TBC1D16: variants seen among roughly 807,000 people sequenced by gnomAD.
TBC1D16 encodes TBC1 domain family member 16.
In TBC1D16, 58 loss-of-function variants were observed where a neutral mutation model predicts 74.7. The observed-to-expected ratio is 0.78, with a 90% CI of 0.63 to 0.97. The LOEUF (loss-of-function observed/expected upper bound fraction) is 0.97. Among genes scored for constraint, TBC1D16 ranks in the 50% least tolerant of loss-of-function variants. The probability of loss-of-function intolerance (pLI) is 0.00; values close to 1 mark genes in which losing one functional copy is unlikely to be tolerated. For synonymous variants in TBC1D16, 493 were observed against 474.7 expected (o/e 1.04, Z -0.50); for missense variants, 1,014 against 1,079.5 (o/e 0.94, Z 0.85).
In TBC1D16 at chr17:79,979,759, A is replaced by G. The variant is rs752450688; in HGVS notation, c.780-26941T>C. Among the ~76,000 whole-genome samples the G allele has an allele frequency of 1.3e-5, 2 of 151,812 alleles. No homozygotes were observed. Among genetic ancestry groups the G allele is most frequent in the Non-Finnish European group, 2.9e-5 (2 of 67,966 alleles). On this transcript the variant is annotated intron_variant, in intron 3 of 11. Transcript: ENST00000310924. The surrounding 1 kb of genome is among the most constrained non-coding windows in gnomAD (Gnocchi z 4.8). ...GGAAAGGACCCTGGTCTCCCTTCAC[A>G]TCCACCAAAAGCTCACCCTGACTAG...
At position 79,970,039 on chromosome 17, in the gene TBC1D16, C is replaced by G. The variant is rs1354044033; in HGVS notation, c.780-17221G>C. ...CATCATATCCAAAAAGAGAAAAATG[C>G]CCATCAACTGATGACCAGATAAGGA... is the stretch of plus-strand genomic sequence containing the variant. On this transcript the variant is annotated intron_variant, in intron 3 of 11. Transcript: ENST00000310924. Among the ~76,000 whole-genome samples the G allele has an allele frequency of 3.3e-5, 5 of 152,246 alleles. No homozygotes were observed. In the East Asian group the frequency reaches 9.6e-4, roughly 29 times the overall value.
Position 80,009,787 on chromosome 17 carries a change from G to C in TBC1D16, c.779+373C>G, listed in dbSNP as rs916726531. 2.6e-5 allele frequency among the ~76,000 whole-genome samples: 4 copies of C among 152,188 alleles called. No homozygotes were observed. Among genetic ancestry groups the C allele is most frequent in the African/African-American group, 9.7e-5 (4 of 41,446 alleles). ...CCGGGCCTCTTGGGCACTCGCTTGG[G>C]GACTGAAAATCTCCTGCCCCTCCGG... On this transcript the variant is annotated intron_variant, in intron 3 of 11. Coordinates refer to ENST00000310924, the MANE Select transcript of TBC1D16 (RefSeq NM_019020.4). This position sits in a 1 kb window ranked among gnomAD's most constrained non-coding sequence, Gnocchi z 5.4.
intron 1 of TBC1D16, among the ~76,000 whole-genome samples, chr17:80,024,435 T>TACCACACACCACAACACACAC (rs2036426001): frequency 9.8e-6 from 1 of 102,306 alleles, no homozygotes; most frequent in African/African-American, 3.8e-5. Flanking sequence ...ACACTACACA[T>TACCACACACCACAACACACAC]CATAGACACA....
At chr17:79,942,675 G>A (rs2032130643) in intron 10 of TBC1D16, among the ~76,000 whole-genome samples, 1 of 152,202 alleles carries the variant, frequency 6.6e-6, no homozygotes, top group Non-Finnish European at 1.5e-5. Context: ...GCCTCTGGCA[G>A]CCACCCACGG....
chr17:79,945,206 G>A (rs1466228132), intron 9 of TBC1D16, 119 bp from the exon 10 acceptor site: 5 of 1,123,730 alleles, frequency 4.4e-6, no homozygotes, highest in Admixed American at 2.7e-5. Flanking sequence ...GCACACCCAG[G>A]GGCCTCTACC....
chr17:79,967,742 T>A (rs976121344), intron 3 of TBC1D16, among the ~76,000 whole-genome samples: 1 of 152,162 alleles, frequency 6.6e-6, no homozygotes, highest in Non-Finnish European at 1.5e-5. Flanking sequence ...TATTGACAGG[T>A]TGACCCTAAA....
At position 79,944,050 on chromosome 17, in the gene TBC1D16, C is replaced by T. The variant is rs11150822; in HGVS notation, c.1908+858G>A. 133,316 of 1,535,704 alleles carry T rather than the reference C, an allele frequency of 0.087. 7,752 individuals are homozygous for T. The highest frequency in any genetic ancestry group is 0.3 in the Admixed American group (15,462 of 50,970). On this transcript the variant is annotated intron_variant, in intron 10 of 11. Coordinates refer to ENST00000310924, the MANE Select transcript of TBC1D16 (RefSeq NM_019020.4). This position sits in a 1 kb window ranked among gnomAD's most constrained non-coding sequence, Gnocchi z 7.7. ...GCGAGCCGATGACCGCATGCAAAGGCGGCGTGTGGTACCGGCACTCGGTGG... is the reference window on the plus strand; with the variant it reads ...GCGAGCCGATGACCGCATGCAAAGGTGGCGTGTGGTACCGGCACTCGGTGG...
At chr17:79,984,586 G>A (rs117051554) in intron 3 of TBC1D16, among the ~76,000 whole-genome samples, 14,483 of 115,188 alleles carry the variant, frequency 0.13, 1,084 homozygotes, top group Middle Eastern at 0.19. Context: ...GAAAGAAAAA[G>A]AAAGAAAGAG....
chr17:79,966,959 AG>A (rs1480790737), intron 3 of TBC1D16, among the ~76,000 whole-genome samples: 4 of 152,236 alleles, frequency 2.6e-5, no homozygotes, highest in African/African-American at 9.6e-5. Flanking sequence ...AGGAAACACA[AG>A]ATCATCTCAA....
intron 3 of TBC1D16, among the ~76,000 whole-genome samples, chr17:79,957,693 G>T (rs2143837535): frequency 6.6e-6 from 1 of 151,988 alleles, no homozygotes; most frequent in Middle Eastern, 3.4e-3. Context: ...ACAAACTATA[G>T]ACTCTGGGTG....
rs1020012106 is a variant in TBC1D16 at position 79,993,305 on chromosome 17, G to A, written c.779+16855C>T. ...CACCAGCCAGTCCCTTTCAAAGGGC[G>A]GAGGTTTCCAGAAGTGTGGCTGAGT... is the stretch of plus-strand genomic sequence containing the variant. On this transcript the variant is annotated intron_variant, in intron 3 of 11. Transcript: ENST00000310924. This position sits in a 1 kb window ranked among gnomAD's most constrained non-coding sequence, Gnocchi z 5.1. Among the ~76,000 whole-genome samples, 3 of 152,202 alleles carry A rather than the reference G, an allele frequency of 2.0e-5. No individual in the cohort carries two copies. Among genetic ancestry groups the A allele is most frequent in the Non-Finnish European group, 4.4e-5 (3 of 68,036 alleles).
rs755056337 is a variant in TBC1D16, at chr17:80,010,118, T to TG, written c.779+41dup. 1.4e-5 allele frequency: 22 copies of TG among 1,527,334 alleles called. No homozygotes were observed. Among genetic ancestry groups the TG allele is most frequent in the Non-Finnish European group, 2.0e-5 (22 of 1,123,780 alleles). The allele number at this position is 1,527,334 out of a possible 1,614,324, so 94.6% of individuals were successfully genotyped here. A position where few individuals can be genotyped will look rare whatever the true frequency, so the allele number is the denominator to read the frequency against. ...AGTGCTTCCTGCCCAGGTCAGGCCT[T>TG]GGGGGCCTCCCGAGAGCCCACGCCC... On this transcript the variant is annotated intron_variant, in intron 3 of 11. Transcript: ENST00000310924. The surrounding 1 kb of genome is among the most constrained non-coding windows in gnomAD (Gnocchi z 8.8).
chr17:79,971,483 G>C lies in TBC1D16; in HGVS notation c.780-18665C>G, dbSNP rs1011658676. ...GAAGCCCTGTCCCCCAGGTCATCCT[G>C]GTCAGCAGTTGAGTGACTCTTCTTC... On this transcript the variant is annotated intron_variant, in intron 3 of 11. Coordinates refer to ENST00000310924, the MANE Select transcript of TBC1D16 (RefSeq NM_019020.4). This position sits in a 1 kb window ranked among gnomAD's most constrained non-coding sequence, Gnocchi z 4.6. Among the ~76,000 whole-genome samples the C allele has an allele frequency of 2.0e-5, 3 of 152,160 alleles. No individual in the cohort carries two copies. Among genetic ancestry groups the C allele is most frequent in the African/African-American group, 7.2e-5 (3 of 41,428 alleles).
intron 3 of TBC1D16, among the ~76,000 whole-genome samples, chr17:79,964,658 CT>C (rs1350840289): frequency 6.6e-6 from 1 of 152,152 alleles, no homozygotes; most frequent in Non-Finnish European, 1.5e-5. Context: ...TACAGTTATA[CT>C]TCAATAAACT....
rs1425111916 is a variant in TBC1D16, at chr17:79,983,024, T to C, written c.779+27136A>G. On this transcript the variant is annotated intron_variant, in intron 3 of 11. Coordinates refer to ENST00000310924, the MANE Select transcript of TBC1D16 (RefSeq NM_019020.4). The surrounding 1 kb of genome is among the most constrained non-coding windows in gnomAD (Gnocchi z 5.6). ...CGTTTGTGCGGAATCCCTGTGTGTG[T>C]GCACACGCATCCACCCCGAGCCTCT... 6.6e-6 allele frequency among the ~76,000 whole-genome samples: 1 copy of C among 152,246 alleles called. No homozygotes were observed. Among genetic ancestry groups the C allele is most frequent in the Non-Finnish European group, 1.5e-5 (1 of 68,050 alleles).
rs1163205293 is a variant in TBC1D16 at position 79,961,347 on chromosome 17, C to A, written c.780-8529G>T. 6.6e-6 allele frequency among the ~76,000 whole-genome samples: 1 copy of A among 152,194 alleles called. No homozygotes were observed. The highest frequency in any genetic ancestry group is 6.5e-5 in the Admixed American group (1 of 15,278). ...CTACAGTGGACAAGACTGATCATAG[C>A]AAGTGTTGCTGAGGACATGGAGGAA... On this transcript the variant is annotated intron_variant, in intron 3 of 11. Coordinates refer to ENST00000310924, the MANE Select transcript of TBC1D16 (RefSeq NM_019020.4). The surrounding 1 kb of genome is among the most constrained non-coding windows in gnomAD (Gnocchi z 4.8).
rs1019053243 is a variant in TBC1D16 at position 79,949,681 on chromosome 17, C to T, written c.1406+36G>A. On this transcript the variant is annotated intron_variant, in intron 7 of 11. Coordinates refer to ENST00000310924, the MANE Select transcript of TBC1D16 (RefSeq NM_019020.4). ...TTTCAAATGACATTTTCCTCCGCGG[C>T]TCGGCGGGGTGGGCCGGGCTGGCCC... The T allele has an allele frequency of 3.2e-6, 5 of 1,583,488 alleles. No homozygotes were observed. In the African/African-American group the frequency reaches 5.4e-5, roughly 17 times the overall value.
intron 3 of TBC1D16, among the ~76,000 whole-genome samples, chr17:79,989,655 A>G (rs1191035704): frequency 6.6e-6 from 1 of 152,260 alleles, no homozygotes; most frequent in Non-Finnish European, 1.5e-5. Flanking sequence ...ATACCTGGCA[A>G]TGCCAAAGGC....
rs919120804 is a variant in TBC1D16, at chr17:79,936,233, TCA to T, written c.*4624_*4625del. The T allele has an allele frequency of 6.6e-6, 1 of 151,896 alleles. No individual in the cohort carries two copies. Among genetic ancestry groups the T allele is most frequent in the African/African-American group, 2.4e-5 (1 of 41,306 alleles). 9.4% of individuals were successfully genotyped at this position (151,896 alleles called of 1,614,324 possible). A position where few individuals can be genotyped will look rare whatever the true frequency, so the allele number is the denominator to read the frequency against. On this transcript the variant is annotated 3_prime_UTR_variant, in exon 12 of 12. Transcript: ENST00000310924. ...GAATGGGGTGCATTTTACAGAAGAG[TCA>T]CAGAGAGGCTCGCCCTCGGCGGAGG...
Sources: allele counts gnomAD v4.1 joint callset (sites outside exome capture counted in the v4.1 genomes callset), GRCh38; gene constraint gnomAD v4.1.1; non-coding constraint Gnocchi (gnomAD v3.1); transcripts MANE v1.5; gene names NCBI Gene and HGNC (gene_info 2026-07-23, HGNC 2026-07-21).